Variants in SMC4 observed in about 807,000 individuals in gnomAD.
SMC4 encodes the protein structural maintenance of chromosomes protein 4.
In SMC4, 87 loss-of-function variants were observed where a neutral mutation model predicts 145.6. The observed-to-expected ratio is 0.60, with a 90% CI of 0.50 to 0.71. SMC4 has a LOEUF of 0.71. SMC4 is among the 30% of genes least tolerant of loss of function. The pLI is 0.00. For synonymous variants in SMC4, 558 were observed against 500.7 expected (o/e 1.11, Z -1.53); for missense variants, 1,447 against 1,537.1 (o/e 0.94, Z 0.98).
chr3:160,414,569 G>C (rs945816585), intron 9 of SMC4, 52 bp downstream of exon 9: 5 of 1,506,250 alleles, frequency 3.3e-6, no homozygotes, highest in Non-Finnish European at 3.7e-6. Flanking sequence ...ATCATACCTA[G>C]TTTTCATGGA....
chr3:160,406,158 A>G (rs1039241593), intron 5 of SMC4, among the ~76,000 whole-genome samples: 4 of 152,238 alleles, frequency 2.6e-5, no homozygotes, highest in African/African-American at 7.2e-5. Context: ...GCTAAAGCCA[A>G]TTTGTTCACA....
chr3:160,424,297 TG>T (rs988713267), intron 15 of SMC4, among the ~76,000 whole-genome samples: 1 of 152,220 alleles, frequency 6.6e-6, no homozygotes, highest in African/African-American at 2.4e-5. Flanking sequence ...CCCAAAGTGT[TG>T]TGCTTTGATT....
intron 5 of SMC4, among the ~76,000 whole-genome samples, chr3:160,409,127 A>G (rs571474760): frequency 1.3e-5 from 2 of 151,060 alleles, no homozygotes; most frequent in Non-Finnish European, 3.0e-5. Flanking sequence ...TTAGCCGGGC[A>G]TGGTGGCGCG....
chr3:160,400,887 C>G lies in SMC4; in HGVS notation c.61C>G (p.Pro21Ala). The change falls in exon 2 of 24, where the codon CCG becomes GCG. Residue 21 changes from proline (P) to alanine (A), a missense_variant. Physicochemically the swap from Pro to Ala is conservative, Grantham distance 27 (BLOSUM62 -1). Coordinates refer to ENST00000357388, the MANE Select transcript of SMC4 (RefSeq NM_001002800.3). ...GCGCAGAGAGGAAGGGCCGCCGCCG[C>G]CGTCCCCTGACGGCGCCAGCAGCGA... ...ARRREEGPPP[P>A]SPDGASSDAE... 1 of 1,511,712 alleles carries G rather than the reference C, an allele frequency of 6.6e-7. No individual in the cohort carries two copies. The highest frequency in any genetic ancestry group is 8.8e-7 in the Non-Finnish European group (1 of 1,139,238). The allele number at this position is 1,511,712 out of a possible 1,614,324, so 93.6% of individuals were successfully genotyped here. A position where few individuals can be genotyped will look rare whatever the true frequency, so the allele number is the denominator to read the frequency against.
chr3:160,433,614 C>T, intron 23 of SMC4, 43 bp from the exon 24 acceptor site: 3 of 1,227,292 alleles, frequency 2.4e-6, no homozygotes, highest in Non-Finnish European at 3.4e-6. Context: ...GTGTGATTTA[C>T]CTGTTATTAC....
chr3:160,434,605 A>ATTACT lies in SMC4; in HGVS notation c.*800_*804dup, dbSNP rs970208695. ...TTGAGGAGCATCTATTTAGGGGTTAATTACTTTAGTAATAAGTGGAAAGTA... is the reference window on the plus strand; with the variant it reads ...TTGAGGAGCATCTATTTAGGGGTTAATTACTTTACTTTAGTAATAAGTGGAAAGTA... On this transcript the variant is annotated 3_prime_UTR_variant, in exon 24 of 24. Transcript: ENST00000357388. 2 of 149,474 alleles carry ATTACT rather than the reference A, an allele frequency of 1.3e-5. No individual in the cohort carries two copies. The highest frequency in any genetic ancestry group is 2.9e-5 in the Non-Finnish European group (2 of 68,028). The allele number at this position is 149,474 out of a possible 1,614,324, so 9.3% of individuals were successfully genotyped here.
intron 5 of SMC4, 78 bp downstream of exon 5, chr3:160,404,582 A>G (rs776871904): frequency 5.0e-6 from 7 of 1,413,618 alleles, no homozygotes; most frequent in South Asian, 2.3e-5. Flanking sequence ...GATGAATCCT[A>G]CATTTTTGAG....
rs146564994 is a variant in SMC4, at chr3:160,421,391, G to C, written c.2019+490G>C. Among the ~76,000 whole-genome samples the C allele has an allele frequency of 7.2e-4, 110 of 152,256 alleles. 1 individual carries two copies. Among genetic ancestry groups the C allele is most frequent in the Middle Eastern group, 3.4e-3 (1 of 294 alleles). On this transcript the variant is annotated intron_variant, in intron 13 of 23. Transcript: ENST00000357388. ...TGACATTTGCAGTGCCTCCACTAAA[G>C]GAATGTACATTCCAGAGTTAAAAGG...
intron 19 of SMC4, 124 bp downstream of exon 19, chr3:160,430,867 T>G (rs1718329518): frequency 6.4e-6 from 8 of 1,258,522 alleles, no homozygotes; most frequent in Middle Eastern, 2.1e-4. Flanking sequence ...TAACTATCAA[T>G]TTTTATTTGT....
chr3:160,428,528 T>C (rs1173054412), intron 17 of SMC4, among the ~76,000 whole-genome samples: 4 of 152,072 alleles, frequency 2.6e-5, no homozygotes, highest in Non-Finnish European at 5.9e-5. Context: ...CATTAAGAAA[T>C]GGTGTGTTTA....
Position 160,399,681 on chromosome 3 carries a change from C to T in SMC4, c.-74C>T, listed in dbSNP as rs1714235682. On this transcript the variant is annotated 5_prime_UTR_variant, in exon 1 of 24. Transcript: ENST00000357388. ...GAGTGAAGGACCCGGAGCCGAAACA[C>T]CGGTAGGAGCGGGGAGGTGGGTACT... 1 of 152,686 alleles carries T rather than the reference C, an allele frequency of 6.5e-6. No individual in the cohort carries two copies. Among genetic ancestry groups the T allele is most frequent in the South Asian group, 2.1e-4 (1 of 4,832 alleles). The allele number at this position is 152,686 out of a possible 1,614,324, so 9.5% of individuals were successfully genotyped here.
Position 160,414,527 on chromosome 3 carries a change from A to C in SMC4, c.1272+10A>C. 1 of 1,608,324 alleles carries C rather than the reference A, an allele frequency of 6.2e-7. No individual in the cohort carries two copies. Among genetic ancestry groups the C allele is most frequent in the Non-Finnish European group, 8.5e-7 (1 of 1,177,344 alleles). On this transcript the variant is annotated intron_variant, in intron 9 of 23. Coordinates refer to ENST00000357388, the MANE Select transcript of SMC4 (RefSeq NM_001002800.3). ...AAAAGATAAAGAAAAGGTAGGTGTTAGAAAAAAATTCTTAAAATTTCACGT... is the reference window on the plus strand; with the variant it reads ...AAAAGATAAAGAAAAGGTAGGTGTTCGAAAAAAATTCTTAAAATTTCACGT...
intron 11 of SMC4, among the ~76,000 whole-genome samples, chr3:160,418,277 A>G (rs1167395878): frequency 2.0e-5 from 3 of 152,250 alleles, no homozygotes; most frequent in African/African-American, 7.2e-5. Flanking sequence ...ACAAGTGTAT[A>G]TGTATTTATA....
intron 10 of SMC4, 154 bp downstream of exon 10, chr3:160,416,569 A>T: frequency 2.3e-6 from 1 of 429,134 alleles, no homozygotes; most frequent in Non-Finnish European, 4.1e-6. Context: ...TTAGATGACT[A>T]TTCTTTTAAT....
At chr3:160,407,416 G>A (rs1465489359) in intron 5 of SMC4, among the ~76,000 whole-genome samples, 2 of 152,082 alleles carry the variant, frequency 1.3e-5, no homozygotes, top group African/African-American at 2.4e-5. Context: ...AGCTGGGCAT[G>A]GTGACACACC....
intron 4 of SMC4, 133 bp downstream of exon 4, chr3:160,403,000 C>T (rs1337248983): frequency 3.2e-6 from 2 of 617,452 alleles, no homozygotes; most frequent in Non-Finnish European, 5.3e-6. Flanking sequence ...TATCTCTGAC[C>T]GTATTTTATT....
At chr3:160,416,748 T>A (rs1716635991) in intron 10 of SMC4, 1 of 158,658 alleles carries the variant, frequency 6.3e-6, no homozygotes, top group Non-Finnish European at 1.4e-5. Flanking sequence ...TAAGCGCAGG[T>A]TAATGTCTCT....
At chr3:160,400,683 C>T (rs1317472590) in intron 1 of SMC4, 139 bp from the exon 2 acceptor site, 2 of 1,132,688 alleles carry the variant, frequency 1.8e-6, no homozygotes, top group East Asian at 3.2e-5. Flanking sequence ...CGATGGCTCC[C>T]TTCCCGAAGT....
intron 4 of SMC4, 79 bp downstream of exon 4, chr3:160,402,946 T>C: frequency 9.2e-7 from 1 of 1,089,706 alleles, no homozygotes; most frequent in Non-Finnish European, 1.3e-6. Context: ...ATTTTTGGCT[T>C]TAAGAAATTT....
Sources: gnomAD v4.1 joint callset for allele counts (sites outside exome capture counted in the v4.1 genomes callset) on GRCh38, gnomAD v4.1.1 for gene constraint, MANE v1.5 for transcripts, NCBI Gene and HGNC (gene_info 2026-07-23, HGNC 2026-07-21) for gene names.